The following VAT1L variants were observed in gnomAD, a reference collection of about 807,000 sequenced individuals.
VAT1L encodes the protein vesicle amine transport 1 like, also known as putative NADPH-dependent quinone oxidoreductase VAT1L.
Under a neutral mutation model 44.1 loss-of-function variants are expected in VAT1L, and 34 were observed. That is an observed-to-expected ratio of 0.77 (90% CI 0.59 to 1.03). VAT1L has a LOEUF of 1.03. Among genes scored for constraint, VAT1L ranks in the 50% least tolerant of loss-of-function variants. VAT1L has a pLI of 0.00. For missense variants in VAT1L, 615 were observed against 538.8 expected (o/e 1.14, Z -1.40); for synonymous variants, 253 against 202.2 (o/e 1.25, Z -2.13).
chr16:77,939,589 T>TGGCTCTTCTCTTGCTTCCTGGGTAC (rs2017852379), intron 7 of VAT1L, among the ~76,000 whole-genome samples: 1 of 152,196 alleles, frequency 6.6e-6, no homozygotes, highest in South Asian at 2.1e-4. Flanking sequence ...AACCTGGGTT[T>TGGCTCTTCTCTTGCTTCCTGGGTAC]GGCTCTTCTC....
At chr16:77,898,560 T>C (rs1473397315) in intron 7 of VAT1L, among the ~76,000 whole-genome samples, 3 of 152,082 alleles carry the variant, frequency 2.0e-5, no homozygotes, top group Non-Finnish European at 2.9e-5. Flanking sequence ...ATGAAGATGA[T>C]AGCAGGGCCT....
intron 7 of VAT1L, among the ~76,000 whole-genome samples, chr16:77,958,933 T>C (rs2018133298): frequency 6.6e-6 from 1 of 152,230 alleles, no homozygotes; most frequent in Non-Finnish European, 1.5e-5. Flanking sequence ...GTACTTCCTT[T>C]ATAATAGCTG....
chr16:77,921,081 T>C (rs922448471), intron 7 of VAT1L, among the ~76,000 whole-genome samples: 4 of 152,210 alleles, frequency 2.6e-5, no homozygotes, highest in African/African-American at 9.7e-5. Flanking sequence ...CCAGTTTCAT[T>C]GCCTCGAAGG....
chr16:77,796,201 T>C (rs987430515), intron 1 of VAT1L, among the ~76,000 whole-genome samples: 2 of 152,152 alleles, frequency 1.3e-5, no homozygotes, highest in East Asian at 1.9e-4. Context: ...ATTCGACATA[T>C]ACTAGGTTTC....
intron 7 of VAT1L, among the ~76,000 whole-genome samples, chr16:77,902,565 T>A (rs1325037033): frequency 6.6e-6 from 1 of 152,046 alleles, no homozygotes; most frequent in African/African-American, 2.4e-5. Flanking sequence ...AATATTATAT[T>A]TGGTAAAACA....
At chr16:77,939,653 G>A (rs2017853228) in intron 7 of VAT1L, among the ~76,000 whole-genome samples, 1 of 152,144 alleles carries the variant, frequency 6.6e-6, no homozygotes, top group Admixed American at 6.5e-5. Context: ...AAGGGTTTGA[G>A]ATTCTAGACC....
chr16:77,886,554 T>C (rs1347371185), intron 7 of VAT1L, among the ~76,000 whole-genome samples: 3 of 152,196 alleles, frequency 2.0e-5, no homozygotes, highest in Non-Finnish European at 2.9e-5. Flanking sequence ...ACAATGGTAA[T>C]TGAATCACCA....
At chr16:77,799,119 T>G (rs774616768) in intron 1 of VAT1L, among the ~76,000 whole-genome samples, 2 of 152,094 alleles carry the variant, frequency 1.3e-5, no homozygotes, top group Non-Finnish European at 2.9e-5. Flanking sequence ...TTTCTCCCAG[T>G]TTTTATGTAT....
At chr16:77,934,779 C>A (rs2017772735) in intron 7 of VAT1L, among the ~76,000 whole-genome samples, 1 of 152,126 alleles carries the variant, frequency 6.6e-6, no homozygotes, top group Non-Finnish European at 1.5e-5. Context: ...TGGAAAAGTA[C>A]TTAATTGTGT....
Position 77,946,279 on chromosome 16 carries a change from C to CTTTTTTTTTTTTTTTTTTTTTTTT in VAT1L, c.1078-25549_1078-25548insTTTTTTTTTTTTTTTTTTTTTTTT, listed in dbSNP as rs66461822. On this transcript the variant is annotated intron_variant, in intron 7 of 8. Coordinates refer to ENST00000302536, the MANE Select transcript of VAT1L (RefSeq NM_020927.3). ...GTTCTGGACATCTAGGTTACTTGTT[C>CTTTTTTTTTTTTTTTTTTTTTTTT]TTTTTTTTTTTTTTTTTTTTTTGAG... 5.4e-3 allele frequency among the ~76,000 whole-genome samples: 382 copies of CTTTTTTTTTTTTTTTTTTTTTTTT among 70,412 alleles called. 133 individuals carry two copies. Among genetic ancestry groups the CTTTTTTTTTTTTTTTTTTTTTTTT allele is most frequent in the Non-Finnish European group, 7.7e-3 (306 of 39,602 alleles). The allele number at this position is 70,412 out of a possible 152,430, so 46.2% of individuals were successfully genotyped here.
chr16:77,860,098 C>A (rs1165663846), intron 3 of VAT1L, among the ~76,000 whole-genome samples: 1 of 152,102 alleles, frequency 6.6e-6, no homozygotes, highest in Non-Finnish European at 1.5e-5. Flanking sequence ...CATCTACAAG[C>A]CGAGGAGAAA....
chr16:77,875,822 T>A (rs879318099), intron 4 of VAT1L, among the ~76,000 whole-genome samples: 2 of 152,176 alleles, frequency 1.3e-5, no homozygotes, highest in Non-Finnish European at 2.9e-5. Flanking sequence ...CTTTATGTTT[T>A]CACTGTAAAG....
At chr16:77,964,700 T>C (rs1445554270) in intron 7 of VAT1L, among the ~76,000 whole-genome samples, 1 of 151,898 alleles carries the variant, frequency 6.6e-6, no homozygotes, top group East Asian at 1.9e-4. Context: ...CCCAGGGATC[T>C]TGTTTAACTG....
rs144567167 is a variant in VAT1L, at chr16:77,942,830, C to T, written c.1078-29020C>T. Among the ~76,000 whole-genome samples the T allele has an allele frequency of 4.6e-3, 707 of 152,096 alleles. 11 individuals are homozygous for T. The highest frequency in any genetic ancestry group is 0.016 in the African/African-American group (682 of 41,496). On this transcript the variant is annotated intron_variant, in intron 7 of 8. Coordinates refer to ENST00000302536, the MANE Select transcript of VAT1L (RefSeq NM_020927.3). ...CACAATCTGAGCTCACTGCAAACTC[C>T]GCCTCCCGGGTTCAAGCGATTATCT...
At chr16:77,856,540 C>T (rs1338229286) in intron 3 of VAT1L, among the ~76,000 whole-genome samples, 1 of 152,162 alleles carries the variant, frequency 6.6e-6, no homozygotes, top group Non-Finnish European at 1.5e-5. Context: ...TCTAATCATT[C>T]GTTTACATGC....
chr16:77,973,439 C>A (rs886519916), intron 8 of VAT1L, among the ~76,000 whole-genome samples: 5 of 151,972 alleles, frequency 3.3e-5, no homozygotes, highest in African/African-American at 1.2e-4. Context: ...GGCCCACCAC[C>A]ACACCTGGTT....
chr16:77,907,216 A>G (rs1208036471), intron 7 of VAT1L, among the ~76,000 whole-genome samples: 23 of 152,200 alleles, frequency 1.5e-4, no homozygotes, highest in Admixed American at 1.4e-3. Context: ...GATGTGCACA[A>G]TCAGCTATCG....
At chr16:77,881,220 G>C (rs1294207618) in intron 6 of VAT1L, among the ~76,000 whole-genome samples, 1 of 152,136 alleles carries the variant, frequency 6.6e-6, no homozygotes, top group Non-Finnish European at 1.5e-5. Context: ...TCTACTTTTG[G>C]ACTTCTATGT....
intron 8 of VAT1L, 51 bp downstream of exon 8, chr16:77,971,984 G>T (rs767237752): frequency 6.4e-7 from 1 of 1,556,856 alleles, no homozygotes. Context: ...AGAGCACCAC[G>T]GGTCAATCAG....
Sources: allele counts gnomAD v4.1 joint callset (sites outside exome capture counted in the v4.1 genomes callset), GRCh38; gene constraint gnomAD v4.1.1; transcripts MANE v1.5; gene names NCBI Gene and HGNC (gene_info 2026-07-23, HGNC 2026-07-21).